PCDHGB1: variants seen among roughly 807,000 people sequenced by gnomAD.
PCDHGB1 encodes the protein protocadherin gamma-B1.
A neutral mutation model predicts 56.6 loss-of-function variants in PCDHGB1; 34 were observed. The observed-to-expected ratio is 0.60, with a 90% CI of 0.46 to 0.80. The LOEUF (loss-of-function observed/expected upper bound fraction) is 0.80. PCDHGB1 is among the 30% of genes least tolerant of loss of function. The pLI is 0.00. For synonymous variants in PCDHGB1, 561 were observed against 505.9 expected, an observed-to-expected ratio of 1.11 and a Z score of -1.46; for missense variants, 1,278 against 1,204.6, an observed-to-expected ratio of 1.06 and a Z score of -0.90.
intron 1 of PCDHGB1, chr5:141,468,497 C>T (rs1033597673): frequency 2.0e-5 from 3 of 152,074 alleles, no homozygotes; most frequent in Non-Finnish European, 4.4e-5. Context: ...GGAAGATTTT[C>T]ATGTGGACAA....
Position 141,431,854 on chromosome 5 carries a change from A to G in PCDHGB1, c.2410-62953A>G. On this transcript the variant is annotated intron_variant, in intron 1 of 3. Coordinates refer to ENST00000523390, the MANE Select transcript of PCDHGB1 (RefSeq NM_018922.3). The surrounding 1 kb of genome is among the most constrained non-coding windows in gnomAD (Gnocchi z 4.8). Reference sequence around the variant, plus strand: ...CCGAAAACTCTCCCAGAGGGACATTAATTGCCCTTTTAAATGTAAATGACC... The same window carrying G: ...CCGAAAACTCTCCCAGAGGGACATTGATTGCCCTTTTAAATGTAAATGACC... The G allele has an allele frequency of 6.2e-7, 1 of 1,614,230 alleles. No individual in the cohort carries two copies. The highest frequency in any genetic ancestry group is 1.3e-5 in the African/African-American group (1 of 75,070).
At chr5:141,448,069 T>G (rs1184496754) in intron 1 of PCDHGB1, among the ~76,000 whole-genome samples, 1 of 151,202 alleles carries the variant, frequency 6.6e-6, no homozygotes, top group African/African-American at 2.4e-5. Context: ...CTGGGCAACA[T>G]GAACGAAATG....
chr5:141,440,878 C>A (rs1359689557), intron 1 of PCDHGB1: 1 of 152,146 alleles, frequency 6.6e-6, no homozygotes, highest in Non-Finnish European at 1.5e-5. Context: ...TGTACAGCGT[C>A]GGCCTTCAGG....
intron 1 of PCDHGB1, among the ~76,000 whole-genome samples, chr5:141,380,341 G>A (rs1359705635): frequency 6.6e-6 from 1 of 152,024 alleles, no homozygotes; most frequent in Non-Finnish European, 1.5e-5. Context: ...TCAAAGAACT[G>A]TTTTGTTGTT....
intron 1 of PCDHGB1, chr5:141,403,705 C>T: frequency 6.2e-7 from 1 of 1,613,894 alleles, no homozygotes; most frequent in Non-Finnish European, 8.5e-7. Context: ...GAGTTAAAGT[C>T]CTTGAGAACG....
intron 1 of PCDHGB1, chr5:141,360,684 A>G (rs1025740579): frequency 6.2e-7 from 1 of 1,614,010 alleles, no homozygotes; most frequent in Non-Finnish European, 8.5e-7. Context: ...TCGCTGAGAA[A>G]CAGACTCCAG....
intron 1 of PCDHGB1, among the ~76,000 whole-genome samples, chr5:141,473,583 A>G (rs905824343): frequency 6.6e-6 from 1 of 152,226 alleles, no homozygotes; most frequent in Non-Finnish European, 1.5e-5. Flanking sequence ...CTAAGACCAG[A>G]CAGACCTGTA....
rs375879976 is a variant in PCDHGB1 at position 141,376,437 on chromosome 5, A to G, written c.2409+23768A>G. 2.7e-4 allele frequency: 434 copies of G among 1,614,084 alleles called. No homozygotes were observed. The highest frequency in any genetic ancestry group is 3.3e-4 in the Non-Finnish European group (388 of 1,180,040). ...GACACGCTTATCAACCAGGAGAGCT[A>G]TGAGAAAAGCGAGCCTCTTCTGATA... On this transcript the variant is annotated intron_variant, in intron 1 of 3. Coordinates refer to ENST00000523390, the MANE Select transcript of PCDHGB1 (RefSeq NM_018922.3).
At chr5:141,403,172 C>G (rs1230059414) in intron 1 of PCDHGB1, 13 of 1,613,900 alleles carry the variant, frequency 8.1e-6, no homozygotes, top group Non-Finnish European at 1.1e-5. Flanking sequence ...TAGGACGCAG[C>G]TTTTCTCTCT....
chr5:141,505,625 C>T, intron 3 of PCDHGB1, 144 bp downstream of exon 3: 1 of 1,489,114 alleles, frequency 6.7e-7, no homozygotes, highest in Non-Finnish European at 9.0e-7. Context: ...CCCACAATTC[C>T]AAACATAAAG....
intron 3 of PCDHGB1, among the ~76,000 whole-genome samples, chr5:141,505,861 C>A (rs115699706): frequency 0.034 from 5,102 of 152,242 alleles, 131 homozygotes; most frequent in Admixed American, 0.057. Flanking sequence ...GGGACAGGGA[C>A]CCCAAAGGGT....
Position 141,490,710 on chromosome 5 carries a change from C to G in PCDHGB1, c.2410-4097C>G, listed in dbSNP as rs1158575765. On this transcript the variant is annotated intron_variant, in intron 1 of 3. Coordinates refer to ENST00000523390, the MANE Select transcript of PCDHGB1 (RefSeq NM_018922.3). The surrounding 1 kb of genome is among the most constrained non-coding windows in gnomAD (Gnocchi z 5.4). ...ACACTGGGGATAATGCCCGCCTCAC[C>G]TACTCCATTGTAGGAAATCAGGTTC... 6.2e-7 allele frequency: 1 copy of G among 1,614,208 alleles called. No homozygotes were observed. The highest frequency in any genetic ancestry group is 8.5e-7 in the Non-Finnish European group (1 of 1,180,030).
At position 141,491,423 on chromosome 5, in the gene PCDHGB1, G is replaced by A; in HGVS notation, c.2410-3384G>A. The A allele has an allele frequency of 3.1e-6, 5 of 1,614,126 alleles. No homozygotes were observed. Among genetic ancestry groups the A allele is most frequent in the Non-Finnish European group, 4.2e-6 (5 of 1,180,036 alleles). ...AACGCAGACGGGGACGGGGGTGGAGGGCAGTGCTGCAGGCGCCAGGACTCA... is the reference window on the plus strand; with the variant it reads ...AACGCAGACGGGGACGGGGGTGGAGAGCAGTGCTGCAGGCGCCAGGACTCA... On this transcript the variant is annotated intron_variant, in intron 1 of 3. Transcript: ENST00000523390. The surrounding 1 kb of genome is among the most constrained non-coding windows in gnomAD (Gnocchi z 6.9).
intron 1 of PCDHGB1, among the ~76,000 whole-genome samples, chr5:141,380,002 C>T (rs1238165554): frequency 6.9e-6 from 1 of 143,940 alleles, no homozygotes; most frequent in African/African-American, 2.6e-5. Flanking sequence ...TGGGTTCAAG[C>T]GATTCTCCTG....
At chr5:141,415,881 T>C (rs1589997447) in intron 1 of PCDHGB1, 1 of 1,003,346 alleles carries the variant, frequency 1.0e-6, no homozygotes, top group Non-Finnish European at 1.3e-6. Context: ...GAGTACAATA[T>C]TGACAATTCC....
At chr5:141,371,928 G>C (rs1305933236) in intron 1 of PCDHGB1, 1 of 1,613,350 alleles carries the variant, frequency 6.2e-7, no homozygotes. Flanking sequence ...CGCGCGGAGC[G>C]GGGTGGTGTT....
In PCDHGB1 at chr5:141,493,985, C is replaced by A. The variant is rs1444608753; in HGVS notation, c.2410-822C>A. On this transcript the variant is annotated intron_variant, in intron 1 of 3. Coordinates refer to ENST00000523390, the MANE Select transcript of PCDHGB1 (RefSeq NM_018922.3). This position sits in a 1 kb window ranked among gnomAD's most constrained non-coding sequence, Gnocchi z 4.3. ...GCTGGCCAGAGCCCCACACCTTCAGCTAGGTGGGAGATGGCTACACATCAG... is the reference window on the plus strand; with the variant it reads ...GCTGGCCAGAGCCCCACACCTTCAGATAGGTGGGAGATGGCTACACATCAG... Among the ~76,000 whole-genome samples the A allele has an allele frequency of 6.6e-6, 1 of 152,196 alleles. No individual in the cohort carries two copies. The highest frequency in any genetic ancestry group is 1.5e-5 in the Non-Finnish European group (1 of 68,032).
At position 141,393,626 on chromosome 5, in the gene PCDHGB1, G is replaced by C. The variant is rs2092811511; in HGVS notation, c.2409+40957G>C. ...CTGTAACAGCCAGCGACCCGGATGA[G>C]GGAATCAACGGAAAAGTGGCATACA... On this transcript the variant is annotated intron_variant, in intron 1 of 3. Coordinates refer to ENST00000523390, the MANE Select transcript of PCDHGB1 (RefSeq NM_018922.3). 10 of 1,613,922 alleles carry C rather than the reference G, an allele frequency of 6.2e-6. No individual in the cohort carries two copies. The highest frequency in any genetic ancestry group is 8.5e-6 in the Non-Finnish European group (10 of 1,179,904).
At chr5:141,366,287 C>A (rs746594585) in intron 1 of PCDHGB1, 1 of 1,613,736 alleles carries the variant, frequency 6.2e-7, no homozygotes, top group African/African-American at 1.3e-5. Context: ...TGGCCAGCCC[C>A]CTCTGTCAGC....
Sources: gnomAD v4.1 joint callset for allele counts (sites outside exome capture counted in the v4.1 genomes callset) on GRCh38, gnomAD v4.1.1 for gene constraint, Gnocchi (gnomAD v3.1) non-coding constraint, MANE v1.5 for transcripts, NCBI Gene and HGNC (gene_info 2026-07-23, HGNC 2026-07-21) for gene names.